The following FGGY variants were observed in gnomAD, a reference collection of about 807,000 sequenced individuals.
The protein encoded by FGGY is FGGY carbohydrate kinase domain containing, also known as FGGY carbohydrate kinase domain-containing protein.
In FGGY, 72 loss-of-function variants were observed where a neutral mutation model predicts 71.3. The observed-to-expected ratio is 1.01, with a 90% CI of 0.84 to 1.23. The LOEUF is 1.23. Among genes scored for constraint, FGGY ranks in the 50% most tolerant of loss-of-function variants. The pLI, the probability that FGGY is intolerant of heterozygous loss-of-function variation, is 0.00. For synonymous variants in FGGY, 251 were observed against 250.3 expected (o/e 1.00, Z -0.02); for missense variants, 668 against 682.3 (o/e 0.98, Z 0.23).
intron 7 of FGGY, among the ~76,000 whole-genome samples, chr1:59,538,233 A>G (rs1267354510): frequency 6.6e-6 from 1 of 152,206 alleles, no homozygotes; most frequent in Non-Finnish European, 1.5e-5. Flanking sequence ...GCCAAAACAC[A>G]CATGAAAAAA....
intron 9 of FGGY, among the ~76,000 whole-genome samples, chr1:59,609,205 C>T (rs2096652060): frequency 6.6e-6 from 1 of 152,204 alleles, no homozygotes; most frequent in Non-Finnish European, 1.5e-5. Context: ...AGAAGTTCAG[C>T]TGTGGCACAA....
At position 59,660,185 on chromosome 1, in the gene FGGY, C is replaced by T. The variant is rs76378912; in HGVS notation, c.1222-34C>T. 1.1e-5 allele frequency: 18 copies of T among 1,589,460 alleles called. No individual in the cohort carries two copies. In the South Asian group the frequency reaches 2.0e-4, roughly 18 times the overall value. ...CTTTATCCACGGCAGCTTCTTTTGACCATCTTCTTCTTTTCTTCCCTTCAT... is the reference window on the plus strand; with the variant it reads ...CTTTATCCACGGCAGCTTCTTTTGATCATCTTCTTCTTTTCTTCCCTTCAT... On this transcript the variant is annotated intron_variant, in intron 11 of 15. Coordinates refer to ENST00000303721, the MANE Select transcript of FGGY (RefSeq NM_018291.5).
intron 5 of FGGY, among the ~76,000 whole-genome samples, chr1:59,398,659 G>A (rs191083340): frequency 3.3e-5 from 5 of 152,262 alleles, no homozygotes; most frequent in Non-Finnish European, 7.4e-5. Context: ...TTCATATCCA[G>A]TTTTGGGGAC....
chr1:59,496,955 C>T (rs111908119), intron 6 of FGGY, among the ~76,000 whole-genome samples: 22 of 152,314 alleles, frequency 1.4e-4, no homozygotes, highest in African/African-American at 4.8e-4. Flanking sequence ...CTGGGAAACA[C>T]TGATTTAAGG....
intron 7 of FGGY, among the ~76,000 whole-genome samples, chr1:59,532,497 CAAGT>C (rs1167888350): frequency 1.3e-5 from 2 of 152,106 alleles, no homozygotes; most frequent in African/African-American, 2.4e-5. Context: ...TAAAAGAACT[CAAGT>C]GAGTTATTTT....
At chr1:59,329,751 G>A (rs2048108363) in intron 2 of FGGY, among the ~76,000 whole-genome samples, 1 of 152,146 alleles carries the variant, frequency 6.6e-6, no homozygotes, top group African/African-American at 2.4e-5. Context: ...TTAGACCTAA[G>A]CTATCCAATC....
At position 59,408,760 on chromosome 1, in the gene FGGY, G is replaced by A. The variant is rs114552980; in HGVS notation, c.554+29923G>A. On this transcript the variant is annotated intron_variant, in intron 5 of 15. Transcript: ENST00000303721. Reference sequence around the variant, plus strand: ...AAAACAAACGGCTGGTGTGTTTTGGGGCAGTCTGCATTCCTTTTAACTCTC... The same window carrying A: ...AAAACAAACGGCTGGTGTGTTTTGGAGCAGTCTGCATTCCTTTTAACTCTC... Among the ~76,000 whole-genome samples, 694 of 152,204 alleles carry A rather than the reference G, an allele frequency of 4.6e-3. 10 individuals carry two copies. The highest frequency in any genetic ancestry group is 0.016 in the African/African-American group (662 of 41,510).
rs577222644 is a variant in FGGY, at chr1:59,746,006, G to A, written c.1513-11925G>A. On this transcript the variant is annotated intron_variant, in intron 14 of 15. Coordinates refer to ENST00000303721, the MANE Select transcript of FGGY (RefSeq NM_018291.5). ...GAAGTGAAATGGAGATGAAGGTCCC[G>A]GAGGTGGAAACATTTTGAAACCGTC... 6.6e-5 allele frequency among the ~76,000 whole-genome samples: 10 copies of A among 152,270 alleles called. No homozygotes were observed. The South Asian group carries it at 1.9e-3, about 28-fold the overall frequency.
chr1:59,346,247 G>C lies in FGGY; in HGVS notation c.314G>C (p.Gly105Ala). 6.2e-7 allele frequency: 1 copy of C among 1,612,822 alleles called. No individual in the cohort carries two copies. Among genetic ancestry groups the C allele is most frequent in the Non-Finnish European group, 8.5e-7 (1 of 1,179,620 alleles). The change falls in exon 4 of 16, where the codon GGG (glycine) becomes GCG (alanine). Residue 105 changes from glycine to alanine, a missense_variant and splice_region_variant. By Grantham distance (60) the Gly-to-Ala change is moderately conservative. Transcript: ENST00000303721. ...TGCATCTCCCTCTCGTTTCTGCTAG[G>C]GGATTCCCATCGAAACGTCATCATG... ...QFHPLPVNQEGDSHRNVIMWL... is the reference protein window; with the variant it reads ...QFHPLPVNQEADSHRNVIMWL...
At chr1:59,455,100 A>T (rs953262696) in intron 5 of FGGY, among the ~76,000 whole-genome samples, 8 of 152,314 alleles carry the variant, frequency 5.3e-5, no homozygotes, top group Non-Finnish European at 1.0e-4. Flanking sequence ...CTGAATGTGA[A>T]TGAGGTATTT....
chr1:59,356,200 G>T (rs1275311988), intron 4 of FGGY, among the ~76,000 whole-genome samples: 1 of 152,036 alleles, frequency 6.6e-6, no homozygotes, highest in Non-Finnish European at 1.5e-5. Context: ...TGAGACTTAG[G>T]CTGTGGGAAT....
At chr1:59,607,780 A>G in intron 8 of FGGY, 23 bp from the exon 9 acceptor site, 13 of 1,587,474 alleles carry the variant, frequency 8.2e-6, no homozygotes, top group Non-Finnish European at 1.0e-5. Flanking sequence ...ATGTTTTCAC[A>G]TATTTTCCAT....
At chr1:59,667,550 G>A in intron 13 of FGGY, 147 bp downstream of exon 13, 1 of 1,025,646 alleles carries the variant, frequency 9.7e-7, no homozygotes, top group South Asian at 1.6e-5. Context: ...TCACAATGGA[G>A]AAAGTGACTT....
At chr1:59,504,850 T>A (rs2094335884) in intron 6 of FGGY, among the ~76,000 whole-genome samples, 2 of 152,230 alleles carry the variant, frequency 1.3e-5, no homozygotes, top group Admixed American at 6.5e-5. Flanking sequence ...TCTAAATTAA[T>A]TGATCTTTGT....
At chr1:59,359,730 A>G (rs1455366107) in intron 4 of FGGY, among the ~76,000 whole-genome samples, 1 of 152,174 alleles carries the variant, frequency 6.6e-6, no homozygotes, top group African/African-American at 2.4e-5. Flanking sequence ...CAGAGTGTTT[A>G]GTAATAAAAA....
intron 6 of FGGY, among the ~76,000 whole-genome samples, chr1:59,482,957 G>GA (rs1300407886): frequency 2.0e-5 from 3 of 152,058 alleles, no homozygotes; most frequent in African/African-American, 4.8e-5. Flanking sequence ...CACCTGGGGG[G>GA]ATTCTTAAAA....
chr1:59,588,662 A>G (rs1489207941), intron 8 of FGGY, among the ~76,000 whole-genome samples: 1 of 152,204 alleles, frequency 6.6e-6, no homozygotes, highest in African/African-American at 2.4e-5. Context: ...AGAATTTTCA[A>G]TCCAGAATTT....
chr1:59,590,891 C>A (rs2096419797), intron 8 of FGGY, among the ~76,000 whole-genome samples: 1 of 152,158 alleles, frequency 6.6e-6, no homozygotes, highest in Non-Finnish European at 1.5e-5. Context: ...GACAGGGATG[C>A]CCTGTCTCAC....
intron 14 of FGGY, among the ~76,000 whole-genome samples, chr1:59,742,933 A>T (rs1487420258): frequency 2.0e-5 from 3 of 152,262 alleles, no homozygotes; most frequent in African/African-American, 7.2e-5. Flanking sequence ...CACTTTTACC[A>T]TTCTTTAGTT....
Sources: allele counts gnomAD v4.1 joint callset (sites outside exome capture counted in the v4.1 genomes callset), GRCh38; gene constraint gnomAD v4.1.1; transcripts MANE v1.5; gene names NCBI Gene and HGNC (gene_info 2026-07-23, HGNC 2026-07-21).